PHF3: variants seen among roughly 807,000 people sequenced by gnomAD.
PHF3 encodes the protein PHD finger protein 3.
A neutral mutation model predicts 178.4 loss-of-function variants in PHF3; 41 were observed. The ratio of observed to expected loss-of-function variants is 0.23; its 90% CI spans 0.18 to 0.30. PHF3 has a LOEUF of 0.30. Among genes scored for constraint, PHF3 ranks in the 10% least tolerant of loss-of-function variants. The probability of loss-of-function intolerance (pLI) is 1.00; values close to 1 mark genes in which losing one functional copy is unlikely to be tolerated. For synonymous variants in PHF3, 842 were observed against 800.5 expected, an observed-to-expected ratio of 1.05 and a Z score of -0.88; for missense variants, 2,346 against 2,398.1, an observed-to-expected ratio of 0.98 and a Z score of 0.45.
intron 5 of PHF3, among the ~76,000 whole-genome samples, chr6:63,693,422 C>T (rs1767093525): frequency 6.6e-6 from 1 of 152,062 alleles, no homozygotes; most frequent in African/African-American, 2.4e-5. Flanking sequence ...TTGAGACCAG[C>T]CTGGGCAACA....
At chr6:63,641,161 G>C (rs760648297) in intron 1 of PHF3, among the ~76,000 whole-genome samples, 3 of 152,218 alleles carry the variant, frequency 2.0e-5, no homozygotes, top group Non-Finnish European at 4.4e-5. Flanking sequence ...ACGATGGTAT[G>C]GGGGCTGAAG....
intron 2 of PHF3, among the ~76,000 whole-genome samples, chr6:63,657,468 C>G (rs1884117): frequency 1.2e-4 from 19 of 152,106 alleles, no homozygotes; most frequent in African/African-American, 4.3e-4. Context: ...TTATATGTTA[C>G]GTGTATTATC....
chr6:63,669,080 C>A (rs1306032638), intron 2 of PHF3, among the ~76,000 whole-genome samples: 1 of 152,164 alleles, frequency 6.6e-6, no homozygotes, highest in Non-Finnish European at 1.5e-5. Flanking sequence ...AAATTTGATA[C>A]ACACTGGTGA....
In PHF3 at chr6:63,636,045, C is replaced by T. The variant is rs1764314321; in HGVS notation, c.-131C>T. 1 of 395,154 alleles carries T rather than the reference C, an allele frequency of 2.5e-6. No homozygotes were observed. Among genetic ancestry groups the T allele is most frequent in the African/African-American group, 2.1e-5 (1 of 48,552 alleles). The allele number at this position is 395,154 out of a possible 1,614,324, so 24.5% of individuals were successfully genotyped here. ...GCGACGCCGACGTCCTGCGCGTACC[C>T]CCTCTCCGCGGCACCCACCGGGCCC... is the stretch of plus-strand genomic sequence containing the variant. On this transcript the variant is annotated 5_prime_UTR_variant, in exon 1 of 16. Transcript: ENST00000262043.
chr6:63,686,979 T>C (rs1223103127), intron 4 of PHF3, among the ~76,000 whole-genome samples: 1 of 152,208 alleles, frequency 6.6e-6, no homozygotes, highest in African/African-American at 2.4e-5. Flanking sequence ...ATTTCTTCAT[T>C]TGTGATCCAG....
intron 11 of PHF3, 60 bp from the exon 12 acceptor site, chr6:63,705,969 G>C: frequency 7.6e-7 from 1 of 1,308,352 alleles, no homozygotes; most frequent in South Asian, 1.5e-5. Context: ...AAGTGAAAAT[G>C]GGTTAAGTTA....
intron 12 of PHF3, among the ~76,000 whole-genome samples, 164 bp from the exon 13 acceptor site, chr6:63,706,565 T>C (rs1013331548): frequency 1.3e-5 from 2 of 152,214 alleles, no homozygotes; most frequent in African/African-American, 4.8e-5. Flanking sequence ...AAAACATTAC[T>C]ATGTAAATAT....
intron 4 of PHF3, among the ~76,000 whole-genome samples, chr6:63,688,449 C>A (rs1037910450): frequency 6.7e-6 from 1 of 148,166 alleles, no homozygotes; most frequent in African/African-American, 2.5e-5. Flanking sequence ...GATTCTCCTG[C>A]CTCGGCCTCC....
rs1310894917 is a variant in PHF3 at position 63,716,480 on chromosome 6, A to G, written c.*2772A>G. 6.6e-6 allele frequency among the ~76,000 whole-genome samples: 1 copy of G among 152,142 alleles called. No individual in the cohort carries two copies. Among genetic ancestry groups the G allele is most frequent in the African/African-American group, 2.4e-5 (1 of 41,444 alleles). On this transcript the variant is annotated 3_prime_UTR_variant, in exon 16 of 16. Coordinates refer to ENST00000262043, the MANE Select transcript of PHF3 (RefSeq NM_001370348.2). ...TTTTGTACGGATTTGCAAAATTTAT[A>G]TTAATCACAAATCCTAATTCTCTAT... is the stretch of plus-strand genomic sequence containing the variant.
At chr6:63,663,362 C>A (rs990233726) in intron 2 of PHF3, among the ~76,000 whole-genome samples, 1 of 152,040 alleles carries the variant, frequency 6.6e-6, no homozygotes, top group African/African-American at 2.4e-5. Flanking sequence ...GCTTCTGTAC[C>A]CGCCAGCTAC....
In PHF3 at chr6:63,660,669, G is replaced by A. The variant is rs374347863; in HGVS notation, c.244+13874G>A. 5.3e-5 allele frequency among the ~76,000 whole-genome samples: 8 copies of A among 152,198 alleles called. 1 individual carries two copies. In the East Asian group the frequency reaches 1.2e-3, roughly 22 times the overall value. ...AGAGGTTGTCTGCCATGAGTTTTGA[G>A]TGTTCTTGAGCTTTCTTGCTCAGCA... On this transcript the variant is annotated intron_variant, in intron 2 of 15. Transcript: ENST00000262043.
intron 2 of PHF3, among the ~76,000 whole-genome samples, chr6:63,670,330 G>T (rs975177980): frequency 2.0e-5 from 3 of 152,080 alleles, no homozygotes; most frequent in Non-Finnish European, 2.9e-5. Context: ...CTGCAGTGGC[G>T]CTATCTCGGC....
intron 2 of PHF3, among the ~76,000 whole-genome samples, chr6:63,658,911 G>C (rs948461915): frequency 6.6e-6 from 1 of 152,046 alleles, no homozygotes; most frequent in Non-Finnish European, 1.5e-5. Context: ...GAGTCCAAAG[G>C]CATTTTGGAA....
intron 9 of PHF3, among the ~76,000 whole-genome samples, chr6:63,700,736 G>A (rs1359662128): frequency 6.6e-6 from 1 of 152,044 alleles, no homozygotes; most frequent in Non-Finnish European, 1.5e-5. Context: ...GGCACGTGCT[G>A]CCACGCCCAG....
chr6:63,673,530 C>A (rs967198175), intron 2 of PHF3, among the ~76,000 whole-genome samples: 1 of 152,190 alleles, frequency 6.6e-6, no homozygotes, highest in Non-Finnish European at 1.5e-5. Context: ...TAGCTCACTT[C>A]TGTCAGCCTC....
intron 2 of PHF3, among the ~76,000 whole-genome samples, chr6:63,655,381 T>G (rs559579525): frequency 6.6e-6 from 1 of 152,106 alleles, no homozygotes; most frequent in South Asian, 2.1e-4. Context: ...CCGGCCTGTT[T>G]TTGTGTTTTT....
Position 63,719,018 on chromosome 6 carries a change from G to GT in PHF3, c.*5313dup, listed in dbSNP as rs924481457. ...AAATTTGATGGAGTTGTTTTAAGTGGTTTCCGTTAAAAAAACAAACCTTTG... is the reference window on the plus strand; with the variant it reads ...AAATTTGATGGAGTTGTTTTAAGTGGTTTTCCGTTAAAAAAACAAACCTTTG... On this transcript the variant is annotated 3_prime_UTR_variant, in exon 16 of 16. Coordinates refer to ENST00000262043, the MANE Select transcript of PHF3 (RefSeq NM_001370348.2). Among the ~76,000 whole-genome samples the GT allele has an allele frequency of 9.9e-5, 15 of 151,824 alleles. No individual in the cohort carries two copies. The highest frequency in any genetic ancestry group is 3.6e-4 in the African/African-American group (15 of 41,374).
intron 1 of PHF3, among the ~76,000 whole-genome samples, chr6:63,638,842 T>G (rs2149532675): frequency 6.6e-6 from 1 of 152,276 alleles, no homozygotes; most frequent in South Asian, 2.1e-4. Context: ...TATGATACTG[T>G]TGCATTTTTG....
chr6:63,690,789 G>A (rs572105432), intron 4 of PHF3, among the ~76,000 whole-genome samples: 1 of 152,228 alleles, frequency 6.6e-6, no homozygotes, highest in African/African-American at 2.4e-5. Context: ...TTAAAAAGCA[G>A]GTAAATTAAA....
Sources: allele counts gnomAD v4.1 joint callset (sites outside exome capture counted in the v4.1 genomes callset), GRCh38; gene constraint gnomAD v4.1.1; transcripts MANE v1.5; gene names NCBI Gene and HGNC (gene_info 2026-07-23, HGNC 2026-07-21).